CCDC14: variants seen among roughly 807,000 people sequenced by gnomAD.
CCDC14 encodes coiled-coil domain-containing protein 14.
In CCDC14, 71 loss-of-function variants were observed where a neutral mutation model predicts 81.4. The ratio of observed to expected loss-of-function variants is 0.87; its 90% CI spans 0.72 to 1.06. The LOEUF is 1.06. CCDC14 is among the 50% of genes least tolerant of loss of function. CCDC14 has a pLI of 0.00. For synonymous variants in CCDC14, 332 were observed against 364.8 expected (o/e 0.91, Z 1.03); for missense variants, 1,046 against 1,047.3 (o/e 1.00, Z 0.02).
intron 12 of CCDC14, among the ~76,000 whole-genome samples, chr3:123,923,345 G>C (rs1369457996): frequency 3.9e-5 from 6 of 151,956 alleles, no homozygotes; most frequent in African/African-American, 1.4e-4. Context: ...ATGAAAAGTT[G>C]AAAGTTTTTC....
At chr3:123,942,624 C>T (rs982866073) in intron 9 of CCDC14, among the ~76,000 whole-genome samples, 22 of 110,120 alleles carry the variant, frequency 2.0e-4, no homozygotes, top group African/African-American at 4.8e-4. Flanking sequence ...TGTGTAGATC[C>T]TTGCAGGTCA....
Position 123,915,188 on chromosome 3 carries a change from A to C in CCDC14, c.2309T>G (p.Val770Gly). ...ACACAGTTTATTTTCTTTTCCAGAG[A>C]CAGCAAGTCCGCTGTTGCTGACTAG... ...TQLVSNSGLA[V>G]SGKENKLCTP... Residue 770 changes from valine to glycine, a missense_variant, in exon 13 of 13, where the codon GTC (valine) becomes GGC (glycine). Coordinates refer to ENST00000409697, the MANE Select transcript of CCDC14 (RefSeq NM_001366335.1). 1.9e-6 allele frequency: 3 copies of C among 1,613,634 alleles called. No homozygotes were observed. The highest frequency in any genetic ancestry group is 2.5e-6 in the Non-Finnish European group (3 of 1,179,690).
At chr3:123,931,026 C>A in intron 12 of CCDC14, 76 bp downstream of exon 12, 2 of 1,285,866 alleles carry the variant, frequency 1.6e-6, no homozygotes, top group South Asian at 1.8e-5. Context: ...GAAAACAGGT[C>A]TAACATTATT....
chr3:123,885,227 C>CA, the CCDC14 span, among the ~76,000 whole-genome samples: 1 of 151,552 alleles, frequency 6.6e-6, no homozygotes, highest in Non-Finnish European at 1.5e-5. Flanking sequence ...CAGAAAACCA[C>CA]AAAAAACAAA....
rs1226577284 is a variant in CCDC14, at chr3:123,961,193, G to A, written c.-20C>T. 13 of 1,551,516 alleles carry A rather than the reference G, an allele frequency of 8.4e-6. No homozygotes were observed. In the East Asian group the frequency reaches 2.4e-4, roughly 29 times the overall value. Reference sequence around the variant, plus strand: ...GACCATCTCTCGCCGCCTCAGAGAAGCCCAGACCGAGGGAAGTGAAGCCTC... The same window carrying A: ...GACCATCTCTCGCCGCCTCAGAGAAACCCAGACCGAGGGAAGTGAAGCCTC... On this transcript the variant is annotated 5_prime_UTR_variant, in exon 1 of 13. Coordinates refer to ENST00000409697, the MANE Select transcript of CCDC14 (RefSeq NM_001366335.1).
chr3:123,960,705 G>T (rs1378451717), intron 1 of CCDC14, among the ~76,000 whole-genome samples: 4 of 152,178 alleles, frequency 2.6e-5, no homozygotes, highest in Non-Finnish European at 4.4e-5. Flanking sequence ...CTGTGTGATC[G>T]ATGTTTTTAC....
Position 123,931,206 on chromosome 3 carries a change from T to C in CCDC14, c.1674A>G (p.Lys558=). 1 of 1,611,256 alleles carries C rather than the reference T, an allele frequency of 6.2e-7. No individual in the cohort carries two copies. Among genetic ancestry groups the C allele is most frequent in the South Asian group, 1.1e-5 (1 of 90,204 alleles). The change falls in exon 12 of 13, where the codon AAA becomes AAG. Residue 558 remains lysine (K), a synonymous_variant. Coordinates refer to ENST00000409697, the MANE Select transcript of CCDC14 (RefSeq NM_001366335.1). ...IELEEALVNV[K]SSQFKLETAE... ...CAGTTTCTAACTTAAACTGGGAGCTTTTCACATTGACTAGGGCTTCCTCCA... is the reference window on the plus strand; with the variant it reads ...CAGTTTCTAACTTAAACTGGGAGCTCTTCACATTGACTAGGGCTTCCTCCA...
chr3:123,931,430 A>C lies in CCDC14; in HGVS notation c.1523T>G (p.Leu508Ter). Residue 508 changes from leucine to a stop codon, truncating the protein, a stop_gained, in exon 11 of 13, where the codon TTA becomes TGA. Transcript: ENST00000409697. LOFTEE classifies it high-confidence loss of function. ...ATCTTTCTGATTTTCAATCACTTTT[A>C]ACAGCTCTTCATTTTTACTCTGCAG... ...ELLQSKNEEL[L>*]KVIENQKDEN... is the part of the protein sequence containing the mutation. 6.4e-7 allele frequency: 1 copy of C among 1,562,938 alleles called. No individual in the cohort carries two copies.
Position 123,914,525 on chromosome 3 carries a change from A to G in CCDC14, c.*254T>C. 1 of 1,126,836 alleles carries G rather than the reference A, an allele frequency of 8.9e-7. No individual in the cohort carries two copies. Among genetic ancestry groups the G allele is most frequent in the South Asian group, 3.3e-5 (1 of 30,426 alleles). The allele number at this position is 1,126,836 out of a possible 1,614,324, so 69.8% of individuals were successfully genotyped here. A position where few individuals can be genotyped will look rare whatever the true frequency, so the allele number is the denominator to read the frequency against. On this transcript the variant is annotated 3_prime_UTR_variant, in exon 13 of 13. Coordinates refer to ENST00000409697, the MANE Select transcript of CCDC14 (RefSeq NM_001366335.1). The stretch of plus-strand genomic sequence containing the variant: ...AATAAAAGAACTCTAATTGCTAAGT[A>G]CTGAAATAAAACATTACTTACAATA...
In CCDC14 at chr3:123,915,225, C is replaced by T. The variant is rs751168542; in HGVS notation, c.2272G>A (p.Ala758Thr). The change falls in exon 13 of 13, where the codon GCT becomes ACT. Residue 758 changes from alanine (A) to threonine (T), a missense_variant. Physicochemically the swap from Ala to Thr is moderately conservative, Grantham distance 58. Coordinates refer to ENST00000409697, the MANE Select transcript of CCDC14 (RefSeq NM_001366335.1). Reference protein sequence around the residue: ...RLSPQPQIRAATTQLVSNSGL... With the variant: ...RLSPQPQIRATTTQLVSNSGL... Reference sequence around the variant, plus strand: ...CTGTTGCTGACTAGCTGTGTTGTAGCTGCTCTTATTTGTGGCTGAGGGGAT... The same window carrying T: ...CTGTTGCTGACTAGCTGTGTTGTAGTTGCTCTTATTTGTGGCTGAGGGGAT... 1.2e-6 allele frequency: 2 copies of T among 1,613,746 alleles called. No homozygotes were observed. The highest frequency in any genetic ancestry group is 2.2e-5 in the East Asian group (1 of 44,874).
chr3:123,931,771 AATAC>A (rs1450738955), intron 10 of CCDC14, among the ~76,000 whole-genome samples: 6 of 152,224 alleles, frequency 3.9e-5, no homozygotes, highest in Non-Finnish European at 8.8e-5. Flanking sequence ...TAAAAGAAAG[AATAC>A]ATAATCCTTT....
intron 5 of CCDC14, chr3:123,949,675 T>G (rs1198498624): frequency 3.3e-5 from 5 of 153,284 alleles, no homozygotes; most frequent in African/African-American, 4.8e-5. Context: ...AATTTTTCAT[T>G]TCAGGCAGGC....
chr3:123,960,868 T>C (rs962052872), intron 1 of CCDC14, among the ~76,000 whole-genome samples: 2 of 152,170 alleles, frequency 1.3e-5, no homozygotes, highest in Non-Finnish European at 2.9e-5. Context: ...GTTAAGTCAC[T>C]CGACGCAGCG....
intron 12 of CCDC14, among the ~76,000 whole-genome samples, chr3:123,916,623 A>G (rs944885613): frequency 6.6e-6 from 1 of 152,098 alleles, no homozygotes; most frequent in African/African-American, 2.4e-5. Flanking sequence ...AAATGGAATT[A>G]AATCCCAGTG....
In CCDC14 at chr3:123,932,796, A is replaced by C. The variant is rs1415161371; in HGVS notation, c.1426+877T>G. 2.0e-5 allele frequency among the ~76,000 whole-genome samples: 3 copies of C among 152,140 alleles called. No homozygotes were observed. In the East Asian group the frequency reaches 5.8e-4, roughly 29 times the overall value. On this transcript the variant is annotated intron_variant, in intron 10 of 12. Coordinates refer to ENST00000409697, the MANE Select transcript of CCDC14 (RefSeq NM_001366335.1). ...TTGGCTCAACAATTCTACTGCTATA[A>C]ATCTATCCTACAAAAATGCTGGCCA...
intron 5 of CCDC14, among the ~76,000 whole-genome samples, chr3:123,903,378 G>A (rs1178155862): frequency 2.0e-5 from 3 of 151,488 alleles, no homozygotes; most frequent in Non-Finnish European, 4.4e-5. Flanking sequence ...ATTGCTGGTG[G>A]TATCTATGAA....
At chr3:123,885,476 C>G in the CCDC14 span, among the ~76,000 whole-genome samples, 1 of 79,308 alleles carries the variant, frequency 1.3e-5, no homozygotes, top group Non-Finnish European at 3.2e-5. Flanking sequence ...CCTCCCCCCA[C>G]TCTTTTTTTT....
chr3:123,944,617 C>T (rs1428510967), intron 9 of CCDC14, among the ~76,000 whole-genome samples: 2 of 152,122 alleles, frequency 1.3e-5, no homozygotes, highest in African/African-American at 4.8e-5. Flanking sequence ...TCTGCCTACA[C>T]ACTACCAAGT....
At chr3:123,950,415 T>C (rs1167110418) in intron 5 of CCDC14, among the ~76,000 whole-genome samples, 1 of 152,200 alleles carries the variant, frequency 6.6e-6, no homozygotes, top group African/African-American at 2.4e-5. Flanking sequence ...ATGGATAAAC[T>C]GTGGTATACT....
Sources: gnomAD v4.1 joint callset for allele counts (sites outside exome capture counted in the v4.1 genomes callset) on GRCh38, gnomAD v4.1.1 for gene constraint, MANE v1.5 for transcripts, NCBI Gene and HGNC (gene_info 2026-07-23, HGNC 2026-07-21) for gene names.